SMS: variants seen among roughly 807,000 people sequenced by gnomAD.
SMS encodes spermidine aminopropyltransferase.
SMS carries 3 observed loss-of-function variants against 33.0 expected under a neutral mutation model. The ratio of observed to expected loss-of-function variants is 0.09; its 90% CI spans 0.04 to 0.23. The LOEUF is 0.23. SMS is among the 10% of genes least tolerant of loss of function. The pLI, the probability that SMS is intolerant of heterozygous loss-of-function variation, is 1.00. For missense variants in SMS, 117 were observed against 288.6 expected (o/e 0.41, Z 4.31); for synonymous variants, 103 against 112.2 (o/e 0.92, Z 0.52).
intron 7 of SMS, 61 bp from the exon 8 acceptor site, chrX:21,984,243 G>GT: frequency 1.4e-6 from 1 of 738,466 alleles, no homozygotes; most frequent in Non-Finnish European, 2.2e-6. Flanking sequence ...CTTTACTATT[G>GT]TTTTTTGTTT....
At chrX:21,966,944 G>A (rs1026924267) in intron 1 of SMS, among the ~76,000 whole-genome samples, 2 of 111,250 alleles carry the variant, frequency 1.8e-5, no homozygotes, top group African/African-American at 3.3e-5. Context: ...TGTTCTTACC[G>A]TCGTGTAATC....
Position 21,994,443 on chromosome X carries a change from G to T in SMS, c.*92G>T, listed in dbSNP as rs1460514646. 5.2e-6 allele frequency: 6 copies of T among 1,164,102 alleles called. No homozygotes were observed. Among genetic ancestry groups the T allele is most frequent in the Non-Finnish European group, 6.9e-6 (6 of 872,297 alleles). ...ATCAAAATGAGTCAGGCAATTGATT[G>T]TGAATTCCTTAAAGTTTTCCTTTTT... On this transcript the variant is annotated 3_prime_UTR_variant, in exon 11 of 11. Transcript: ENST00000404933.
chrX:21,940,902 C>T (rs1414029569), intron 1 of SMS, 29 bp downstream of exon 1: 18 of 1,007,633 alleles, frequency 1.8e-5, no homozygotes, highest in Non-Finnish European at 2.3e-5. Context: ...ACCTGCGTGG[C>T]CATCCCCGCC....
intron 1 of SMS, among the ~76,000 whole-genome samples, chrX:21,944,536 A>G (rs1341660112): frequency 2.9e-5 from 3 of 104,656 alleles, no homozygotes; most frequent in Admixed American, 1.1e-4. Context: ...AAAAAAAAAA[A>G]AAAAAAAAAG....
intron 10 of SMS, among the ~76,000 whole-genome samples, chrX:21,993,678 T>A (rs1569357731): frequency 8.9e-6 from 1 of 112,313 alleles, no homozygotes; most frequent in East Asian, 2.8e-4. Flanking sequence ...GCCTGCTGGG[T>A]GGCCGTGTCC....
At chrX:21,966,702 AC>A (rs1923746403) in intron 1 of SMS, among the ~76,000 whole-genome samples, 1 of 112,098 alleles carries the variant, frequency 8.9e-6, no homozygotes, top group African/African-American at 3.2e-5. Flanking sequence ...TTTTTGTAAA[AC>A]ATGGGGAAAA....
chrX:21,977,781 G>T (rs1924629788), intron 5 of SMS, among the ~76,000 whole-genome samples, 179 bp from the exon 6 acceptor site: 1 of 112,465 alleles, frequency 8.9e-6, no homozygotes, highest in African/African-American at 3.2e-5. Context: ...GGTGTCAGAT[G>T]ATCAGGGTTG....
intron 1 of SMS, among the ~76,000 whole-genome samples, chrX:21,955,593 G>C (rs919866944): frequency 1.1e-4 from 12 of 111,770 alleles, no homozygotes; most frequent in African/African-American, 3.3e-4. Flanking sequence ...TCTCCTTTCT[G>C]TTGGGTTGTA....
intron 1 of SMS, among the ~76,000 whole-genome samples, chrX:21,966,131 AC>A (rs1923706261): frequency 8.9e-6 from 1 of 112,229 alleles, no homozygotes. Flanking sequence ...TAGTTTCGGC[AC>A]TACTTAGTTT....
chrX:21,944,690 A>G (rs879004148), intron 1 of SMS, among the ~76,000 whole-genome samples: 1 of 109,264 alleles, frequency 9.2e-6, no homozygotes, highest in Admixed American at 9.7e-5. Flanking sequence ...TCAAAAACAA[A>G]ACAAGGGCCA....
intron 3 of SMS, 146 bp from the exon 4 acceptor site, chrX:21,972,361 A>G (rs989726892): frequency 7.3e-5 from 36 of 495,552 alleles, no homozygotes; most frequent in Middle Eastern, 6.6e-4. Context: ...GAATTGGGCC[A>G]GGCGTCTACA....
At chrX:21,980,663 CTT>C (rs1924878226) in intron 7 of SMS, among the ~76,000 whole-genome samples, 2 of 109,805 alleles carry the variant, frequency 1.8e-5, no homozygotes, top group Admixed American at 9.9e-5. Flanking sequence ...TGCCTATTAT[CTT>C]TTTCAACATT....
chrX:21,958,132 A>AT (rs755127179), intron 1 of SMS, among the ~76,000 whole-genome samples: 17 of 111,028 alleles, frequency 1.5e-4, no homozygotes, highest in Non-Finnish European at 2.8e-4. Context: ...CTATTTATTT[A>AT]TTTTTGTTTT....
chrX:21,983,044 ATT>A (rs1925078071), intron 7 of SMS, among the ~76,000 whole-genome samples: 1 of 109,837 alleles, frequency 9.1e-6, no homozygotes, highest in Non-Finnish European at 1.9e-5. Context: ...ACTTTTTTTA[ATT>A]TTTTTTGAGT....
chrX:21,979,281 CACCTATGA>C (rs1378574298), intron 7 of SMS, among the ~76,000 whole-genome samples: 1 of 110,036 alleles, frequency 9.1e-6, no homozygotes, highest in Non-Finnish European at 1.9e-5. Context: ...TGGTTTGCTG[CACCTATGA>C]ACCCATCATC....
intron 9 of SMS, among the ~76,000 whole-genome samples, chrX:21,990,919 A>G (rs1925718144): frequency 8.9e-6 from 1 of 112,579 alleles, no homozygotes; most frequent in Non-Finnish European, 1.9e-5. Context: ...CACTTTGGCC[A>G]TGGCCATATC....
chrX:21,979,325 G>C (rs1183158601), intron 7 of SMS, among the ~76,000 whole-genome samples: 1 of 110,431 alleles, frequency 9.1e-6, no homozygotes, highest in African/African-American at 3.3e-5. Context: ...GCATGCGTTA[G>C]GTATTTCTCC....
chrX:21,940,811 G>T lies in SMS; in HGVS notation c.-14G>T, dbSNP rs764407160. 28 of 1,115,370 alleles carry T rather than the reference G, an allele frequency of 2.5e-5. No homozygotes were observed. In the African/African-American group the frequency reaches 4.4e-4, roughly 18 times the overall value. 91.9% of individuals were successfully genotyped at this position (1,115,370 alleles called of 1,213,427 possible). A position where few individuals can be genotyped will look rare whatever the true frequency, so the allele number is the denominator to read the frequency against. On this transcript the variant is annotated 5_prime_UTR_variant, in exon 1 of 11. Coordinates refer to ENST00000404933, the MANE Select transcript of SMS (RefSeq NM_004595.5). ...GGCTGCTCCCCCAGGCATGGCACAG[G>T]GCCTCGCCTCACTATGGCAGCAGCA...
At chrX:21,963,229 C>A (rs770787696) in intron 1 of SMS, among the ~76,000 whole-genome samples, 53 of 111,318 alleles carry the variant, frequency 4.8e-4, no homozygotes, top group Admixed American at 6.7e-4. Flanking sequence ...GTGTCTTCCC[C>A]AAGGGCTGGG....
Sources: allele counts gnomAD v4.1 joint callset (sites outside exome capture counted in the v4.1 genomes callset), GRCh38; gene constraint gnomAD v4.1.1; transcripts MANE v1.5; gene names NCBI Gene and HGNC (gene_info 2026-07-23, HGNC 2026-07-21).